Variants in GPATCH8 observed in about 807,000 individuals in gnomAD.
GPATCH8 encodes G-patch domain containing 8, also known as G patch domain-containing protein 8.
A neutral mutation model predicts 118.3 loss-of-function variants in GPATCH8; 18 were observed. The observed-to-expected ratio is 0.15, with a 90% CI of 0.11 to 0.23. GPATCH8 has a LOEUF of 0.23. Ranked by LOEUF, GPATCH8 falls within the 10% of genes least tolerant of loss-of-function variation. The probability of loss-of-function intolerance (pLI) is 1.00; values close to 1 mark genes in which losing one functional copy is unlikely to be tolerated. For missense variants in GPATCH8, 1,631 were observed against 1,873.8 expected (o/e 0.87, Z 2.39); for synonymous variants, 659 against 684.7 (o/e 0.96, Z 0.59).
At chr17:44,424,678 A>C (rs1200601978) in intron 5 of GPATCH8, among the ~76,000 whole-genome samples, 186 bp from the exon 6 acceptor site, 1 of 152,234 alleles carries the variant, frequency 6.6e-6, no homozygotes, top group Non-Finnish European at 1.5e-5. Flanking sequence ...CGTCATACTA[A>C]CAATTGTCTT....
Position 44,395,686 on chromosome 17 carries a change from C to T in GPATCH8, c.*1882G>A, listed in dbSNP as rs1211189188. On this transcript the variant is annotated 3_prime_UTR_variant, in exon 8 of 8. Transcript: ENST00000591680. ...GAGGGCAGTCAAGAGTTGTGTTTGC[C>T]TGCCACTTTCTTTTCATAAACTTTA... 2.2e-6 allele frequency: 1 copy of T among 454,120 alleles called. No individual in the cohort carries two copies. Among genetic ancestry groups the T allele is most frequent in the East Asian group, 6.9e-5 (1 of 14,402 alleles). 28.1% of individuals were successfully genotyped at this position (454,120 alleles called of 1,614,324 possible). A position where few individuals can be genotyped will look rare whatever the true frequency, so the allele number is the denominator to read the frequency against.
chr17:44,424,206 C>T (rs2050012351), intron 6 of GPATCH8, 143 bp downstream of exon 6: 2 of 676,152 alleles, frequency 3.0e-6, no homozygotes, highest in Admixed American at 4.5e-5. Context: ...ACTGAAAAAA[C>T]AAAGTGTGTT....
At position 44,398,422 on chromosome 17, in the gene GPATCH8, G is replaced by C; in HGVS notation, c.3655C>G (p.His1219Asp). The C allele has an allele frequency of 6.2e-7, 1 of 1,613,894 alleles. No individual in the cohort carries two copies. Reference protein sequence around the residue: ...ESKSGEATADHPVAPLGTPAH... With the variant: ...ESKSGEATADDPVAPLGTPAH... Reference sequence around the variant, plus strand: ...GGGGTGCCTAGTGGAGCCACAGGGTGATCAGCAGTAGCTTCTCCAGACTTT... The same window carrying C: ...GGGGTGCCTAGTGGAGCCACAGGGTCATCAGCAGTAGCTTCTCCAGACTTT... The change falls in exon 8 of 8, where the codon CAC (histidine) becomes GAC (aspartate). Residue 1219 changes from histidine (H) to aspartate (D), a missense_variant. Transcript: ENST00000591680.
At chr17:44,458,961 C>T (rs980647858) in intron 3 of GPATCH8, among the ~76,000 whole-genome samples, 2 of 152,076 alleles carry the variant, frequency 1.3e-5, no homozygotes, top group Non-Finnish European at 1.5e-5. Context: ...ACATTTAAAC[C>T]TCTCATTCAC....
intron 2 of GPATCH8, among the ~76,000 whole-genome samples, chr17:44,467,429 C>T (rs1254820056): frequency 6.6e-6 from 1 of 152,168 alleles, no homozygotes; most frequent in Non-Finnish European, 1.5e-5. Context: ...AGAAAAAAAT[C>T]ATTGATAGAA....
At chr17:44,437,099 C>G (rs2050538017) in intron 3 of GPATCH8, among the ~76,000 whole-genome samples, 1 of 152,110 alleles carries the variant, frequency 6.6e-6, no homozygotes, top group Non-Finnish European at 1.5e-5. Flanking sequence ...CTAGGAGATG[C>G]TTTACAATTT....
chr17:44,457,475 T>C (rs1358087979), intron 3 of GPATCH8, among the ~76,000 whole-genome samples: 1 of 152,194 alleles, frequency 6.6e-6, no homozygotes, highest in Non-Finnish European at 1.5e-5. Context: ...TGTCTGGAGA[T>C]ACACTCCAAA....
chr17:44,431,038 T>C (rs1567978325), intron 5 of GPATCH8, among the ~76,000 whole-genome samples: 2 of 152,162 alleles, frequency 1.3e-5, no homozygotes, highest in South Asian at 2.1e-4. Flanking sequence ...GGTAAATTTA[T>C]GTTATGTGAA....
chr17:44,398,037 G>A lies in GPATCH8; in HGVS notation c.4040C>T (p.Ala1347Val). The stretch of plus-strand genomic sequence containing the variant: ...GGCTGGTGTGGCTGGGGCCAGGGCA[G>A]CTGAGGCTGGAAAGGCCTTTACTTG... ...AKQVKAFPAS[A>V]ALAPATPALQ... The change falls in exon 8 of 8, where the codon GCT becomes GTT. Residue 1347 changes from alanine (A) to valine (V), a missense_variant. Ala to Val is a moderately conservative substitution (Grantham distance 64). Coordinates refer to ENST00000591680, the MANE Select transcript of GPATCH8 (RefSeq NM_001002909.4). 1 of 1,613,988 alleles carries A rather than the reference G, an allele frequency of 6.2e-7. No individual in the cohort carries two copies. Among genetic ancestry groups the A allele is most frequent in the Middle Eastern group, 1.7e-4 (1 of 6,060 alleles).
In GPATCH8 at chr17:44,484,157, A is replaced by AT. The variant is rs548610253; in HGVS notation, c.46-9255dup. ...GCCAGACCAATTTATTTATTTATTT[A>AT]TTTTTTAGCAGAAACAGGGTTTCGC... On this transcript the variant is annotated intron_variant, in intron 1 of 7. Coordinates refer to ENST00000591680, the MANE Select transcript of GPATCH8 (RefSeq NM_001002909.4). Among the ~76,000 whole-genome samples the AT allele has an allele frequency of 2.2e-3, 336 of 150,576 alleles. 1 individual carries two copies. Among genetic ancestry groups the AT allele is most frequent in the African/African-American group, 7.7e-3 (314 of 40,936 alleles).
At chr17:44,474,668 T>A (rs1333999502) in intron 2 of GPATCH8, 161 bp downstream of exon 2, 1 of 697,020 alleles carries the variant, frequency 1.4e-6, no homozygotes, top group Non-Finnish European at 2.6e-6. Flanking sequence ...AAATATTAGA[T>A]TACATCCCAA....
intron 6 of GPATCH8, among the ~76,000 whole-genome samples, chr17:44,414,898 A>T (rs1172745646): frequency 6.6e-6 from 1 of 152,336 alleles, no homozygotes; most frequent in East Asian, 1.9e-4. Context: ...TGCATGTTGT[A>T]TATACCAGTA....
At position 44,474,876 on chromosome 17, in the gene GPATCH8, C is replaced by G; in HGVS notation, c.73G>C (p.Gly25Arg). The G allele has an allele frequency of 1.9e-6, 3 of 1,568,226 alleles. No homozygotes were observed. Among genetic ancestry groups the G allele is most frequent in the Non-Finnish European group, 2.6e-6 (3 of 1,138,472 alleles). ...QGNHFDQYEEGHLEIEQASLD... is the reference protein window; with the variant it reads ...QGNHFDQYEERHLEIEQASLD... Reference sequence around the variant, plus strand: ...GACGCTTGTTCAATTTCCAAGTGTCCTTCCTCATACTGATCAAAGTGATTA... The same window carrying G: ...GACGCTTGTTCAATTTCCAAGTGTCGTTCCTCATACTGATCAAAGTGATTA... The change falls in exon 2 of 8, where the codon GGA becomes CGA. Residue 25 changes from glycine (G) to arginine (R), a missense_variant. Around this residue, in one of 8 missense-constraint regions of GPATCH8, gnomAD observed 28 missense variants for 33.9 expected, o/e 0.83. Coordinates refer to ENST00000591680, the MANE Select transcript of GPATCH8 (RefSeq NM_001002909.4).
chr17:44,483,701 G>A (rs909277428), intron 1 of GPATCH8, among the ~76,000 whole-genome samples: 6 of 151,992 alleles, frequency 3.9e-5, no homozygotes, highest in Admixed American at 2.0e-4. Flanking sequence ...GAGTGCTGTG[G>A]CACGATCTCA....
chr17:44,453,492 TAGGTAGGG>T (rs200740696), intron 3 of GPATCH8, among the ~76,000 whole-genome samples: 9 of 128,960 alleles, frequency 7.0e-5, no homozygotes, highest in Non-Finnish European at 1.2e-4. Flanking sequence ...GGTAGGTAGG[TAGGTAGGG>T]GTGTGTGTGT....
intron 6 of GPATCH8, chr17:44,407,251 G>A (rs538987728): frequency 6.6e-6 from 1 of 151,888 alleles, no homozygotes; most frequent in African/African-American, 2.4e-5. Flanking sequence ...AGAAGGATTT[G>A]CTTTCAATAC....
At chr17:44,460,399 G>T (rs537710256) in intron 3 of GPATCH8, among the ~76,000 whole-genome samples, 23 of 152,120 alleles carry the variant, frequency 1.5e-4, no homozygotes, top group Admixed American at 1.2e-3. Flanking sequence ...AAAGGAGAAT[G>T]AAATGTGAAT....
intron 6 of GPATCH8, among the ~76,000 whole-genome samples, chr17:44,418,602 G>A (rs900295627): frequency 3.3e-5 from 5 of 152,074 alleles, no homozygotes; most frequent in African/African-American, 9.7e-5. Context: ...CTACAGGCAC[G>A]TGCTGCCACG....
chr17:44,460,437 GT>G (rs2051500799), intron 3 of GPATCH8, among the ~76,000 whole-genome samples: 1 of 152,126 alleles, frequency 6.6e-6, no homozygotes, highest in Non-Finnish European at 1.5e-5. Flanking sequence ...AATAAACTCA[GT>G]TTACAAAGTA....
Sources: allele counts gnomAD v4.1 joint callset (sites outside exome capture counted in the v4.1 genomes callset), GRCh38; gene constraint gnomAD v4.1.1; regional missense constraint gnomAD v4.1.1; transcripts MANE v1.5; gene names NCBI Gene and HGNC (gene_info 2026-07-23, HGNC 2026-07-21).